Variants in PCDH15 observed in about 807,000 individuals in gnomAD.
PCDH15 encodes the protein protocadherin-15.
Under a neutral mutation model 178.5 loss-of-function variants are expected in PCDH15, and 129 were observed. The observed-to-expected ratio is 0.72, with a 90% confidence interval of 0.63 to 0.84. The LOEUF is 0.84. Ranked by LOEUF, PCDH15 falls within the 40% of genes least tolerant of loss-of-function variation. The pLI is 0.00. For missense variants in PCDH15, 2,230 were observed against 2,099.9 expected (o/e 1.06, Z -1.21); for synonymous variants, 800 against 732.0 (o/e 1.09, Z -1.50).
chr10:54,307,140 A>G (rs1251975216), intron 8 of PCDH15, among the ~76,000 whole-genome samples: 1 of 93,286 alleles, frequency 1.1e-5, no homozygotes, highest in Non-Finnish European at 2.1e-5. Flanking sequence ...ATATATATAT[A>G]TATATATATA....
chr10:55,350,863 T>A (rs539457438), intron 2 of PCDH15, among the ~76,000 whole-genome samples: 2 of 152,226 alleles, frequency 1.3e-5, no homozygotes, highest in African/African-American at 4.8e-5. Context: ...ATTCTACCAA[T>A]TGGCTCTTCT....
At chr10:54,442,456 A>C (rs1017483759) in intron 3 of PCDH15, among the ~76,000 whole-genome samples, 1 of 105,586 alleles carries the variant, frequency 9.5e-6, no homozygotes, top group African/African-American at 4.0e-5. Context: ...ATATATATAT[A>C]TATACAGTCT....
chr10:54,745,735 T>C (rs1417509088), intron 1 of PCDH15, among the ~76,000 whole-genome samples: 1 of 152,174 alleles, frequency 6.6e-6, no homozygotes, highest in Non-Finnish European at 1.5e-5. Flanking sequence ...GGATAATATA[T>C]AAGTGTATAA....
chr10:54,959,620 G>T (rs1838589561), intron 2 of PCDH15, among the ~76,000 whole-genome samples: 1 of 151,982 alleles, frequency 6.6e-6, no homozygotes, highest in South Asian at 2.1e-4. Context: ...TATCATATGT[G>T]CTCATCAATG....
rs182809503 is a variant in PCDH15, at chr10:54,854,047, G to C, written c.-29+43403C>G. ...GGCGAGTCAGGCATAGAATGGCGAG[G>C]GGTGTGTGAGCAAGCATGGGATCTG... On this transcript the variant is annotated intron_variant, in intron 3 of 5. Transcript: ENST00000458638. 2.6e-5 allele frequency among the ~76,000 whole-genome samples: 4 copies of C among 152,302 alleles called. No homozygotes were observed. The East Asian group carries it at 7.7e-4, about 29-fold the overall frequency.
chr10:55,348,193 C>A (rs1457196810), intron 2 of PCDH15, among the ~76,000 whole-genome samples: 3 of 152,044 alleles, frequency 2.0e-5, no homozygotes, highest in African/African-American at 7.2e-5. Flanking sequence ...AAATTTAATT[C>A]AATTTAAAAA....
At chr10:55,196,884 T>C (rs1840107808) in intron 1 of PCDH15, among the ~76,000 whole-genome samples, 2 of 152,048 alleles carry the variant, frequency 1.3e-5, no homozygotes, top group South Asian at 2.1e-4. Context: ...TCTAACTTTT[T>C]AAACATTTAC....
chr10:54,651,420 T>C (rs1268684062), intron 2 of PCDH15, among the ~76,000 whole-genome samples: 1 of 152,134 alleles, frequency 6.6e-6, no homozygotes, highest in East Asian at 1.9e-4. Flanking sequence ...AAAAGTACTG[T>C]TTTAGGAAAT....
chr10:54,598,548 C>G (rs2092355187), intron 2 of PCDH15, among the ~76,000 whole-genome samples: 1 of 152,074 alleles, frequency 6.6e-6, no homozygotes, highest in Non-Finnish European at 1.5e-5. Context: ...GAAGCACTGT[C>G]CTTGAAAACC....
intron 2 of PCDH15, among the ~76,000 whole-genome samples, chr10:54,588,616 T>C (rs2091664659): frequency 1.3e-5 from 2 of 152,262 alleles, no homozygotes; most frequent in South Asian, 4.1e-4. Context: ...CTCACTCTGT[T>C]GCCCAGCCTG....
At chr10:54,155,231 ATGT>A (rs1293306573) in intron 13 of PCDH15, among the ~76,000 whole-genome samples, 1 of 152,160 alleles carries the variant, frequency 6.6e-6, no homozygotes, top group East Asian at 1.9e-4. Context: ...TTCATAAATG[ATGT>A]TGGAAGGGAG....
Position 54,402,176 on chromosome 10 carries a change from C to T in PCDH15, c.158-23234G>A, listed in dbSNP as rs1010932639. 4.0e-5 allele frequency among the ~76,000 whole-genome samples: 6 copies of T among 151,676 alleles called. No homozygotes were observed. The East Asian group carries it at 5.8e-4, about 15-fold the overall frequency. The stretch of plus-strand genomic sequence containing the variant: ...AGAAAATTCATGTATCAAAAGTAAA[C>T]GTGTTCAAGATAAAAAATATTAAGC... On this transcript the variant is annotated intron_variant, in intron 3 of 37. Transcript: ENST00000644397.
intron 1 of PCDH15, among the ~76,000 whole-genome samples, chr10:54,782,630 C>T (rs1342242801): frequency 6.6e-6 from 1 of 151,774 alleles, no homozygotes; most frequent in Non-Finnish European, 1.5e-5. Flanking sequence ...TGAGATAATC[C>T]AAAAGAGAAC....
intron 16 of PCDH15, among the ~76,000 whole-genome samples, chr10:54,083,545 T>C (rs1460559331): frequency 6.6e-6 from 1 of 152,182 alleles, no homozygotes; most frequent in Non-Finnish European, 1.5e-5. Context: ...ACACATTGCA[T>C]GATTCCATTT....
chr10:54,662,302 T>C (rs902934987), intron 2 of PCDH15, among the ~76,000 whole-genome samples: 20 of 151,858 alleles, frequency 1.3e-4, no homozygotes, highest in African/African-American at 4.6e-4. Context: ...TGAAAAAACA[T>C]TCAACCTCAC....
At chr10:55,597,699 T>C (rs1199434599) in intron 2 of PCDH15, among the ~76,000 whole-genome samples, 1 of 152,164 alleles carries the variant, frequency 6.6e-6, no homozygotes, top group East Asian at 1.9e-4. Flanking sequence ...CTAATTCAAC[T>C]TTTTTAAAGG....
intron 2 of PCDH15, among the ~76,000 whole-genome samples, chr10:55,462,225 C>G (rs576634160): frequency 6.6e-6 from 1 of 152,020 alleles, no homozygotes; most frequent in East Asian, 1.9e-4. Context: ...ATGTTCATGT[C>G]GTTACGATGT....
At chr10:54,011,123 G>C (rs928335735) in intron 20 of PCDH15, among the ~76,000 whole-genome samples, 3 of 152,032 alleles carry the variant, frequency 2.0e-5, no homozygotes, top group African/African-American at 7.2e-5. Context: ...CCACTCCCTG[G>C]CTGGACATTC....
chr10:54,835,221 G>A (rs1009000372), intron 3 of PCDH15, among the ~76,000 whole-genome samples: 1 of 152,108 alleles, frequency 6.6e-6, no homozygotes, highest in African/African-American at 2.4e-5. Context: ...AGGAATAGAA[G>A]CATATCTTCA....
Sources: allele counts gnomAD v4.1 joint callset (sites outside exome capture counted in the v4.1 genomes callset), GRCh38; gene constraint gnomAD v4.1.1; transcripts MANE v1.5; gene names NCBI Gene and HGNC (gene_info 2026-07-23, HGNC 2026-07-21).